Variants in PCDHA1 observed in about 807,000 individuals in gnomAD.
The protein encoded by PCDHA1 is protocadherin alpha 1.
In PCDHA1, 42 loss-of-function variants were observed where a neutral mutation model predicts 61.3. The ratio of observed to expected loss-of-function variants is 0.69; its 90% CI spans 0.54 to 0.89. The LOEUF is 0.89. Ranked by LOEUF, PCDHA1 falls within the 40% of genes least tolerant of loss-of-function variation. PCDHA1 has a pLI of 0.00. For synonymous variants in PCDHA1, 610 were observed against 553.8 expected (o/e 1.10, Z -1.43); for missense variants, 1,256 against 1,235.3 (o/e 1.02, Z -0.25).
Position 140,876,717 on chromosome 5 carries a change from C to T in PCDHA1, c.2394+88033C>T, listed in dbSNP as rs377702421. ...TGGTGCTGGACAGCGCCCTGGACCG[C>T]GAGAGCGTGTCGGCCTATGAGCTGG... On this transcript the variant is annotated intron_variant, in intron 1 of 3. Coordinates refer to ENST00000504120, the MANE Select transcript of PCDHA1 (RefSeq NM_018900.4). The T allele has an allele frequency of 3.7e-6, 6 of 1,614,118 alleles. No homozygotes were observed. The African/African-American group carries it at 5.3e-5, about 14-fold the overall frequency.
intron 1 of PCDHA1, chr5:140,803,575 T>C: frequency 6.2e-7 from 1 of 1,614,252 alleles, no homozygotes; most frequent in South Asian, 1.1e-5. Flanking sequence ...GATGTGGACG[T>C]TGATCTCTCA....
chr5:140,854,841 T>C (rs2043239245), intron 1 of PCDHA1, among the ~76,000 whole-genome samples: 1 of 149,832 alleles, frequency 6.7e-6, no homozygotes, highest in South Asian at 2.1e-4. Context: ...TTCACTGACA[T>C]TGATAAAATT....
At chr5:140,904,560 T>G (rs2071228381) in intron 1 of PCDHA1, among the ~76,000 whole-genome samples, 1 of 152,102 alleles carries the variant, frequency 6.6e-6, no homozygotes, top group African/African-American at 2.4e-5. Flanking sequence ...AATGACTTTT[T>G]TTTCCTCTGG....
At chr5:140,836,032 C>A (rs1554135559) in intron 1 of PCDHA1, 2 of 1,613,416 alleles carry the variant, frequency 1.2e-6, no homozygotes, top group Non-Finnish European at 8.5e-7. Context: ...AGCAACGTGA[C>A]GCTGCAGGTG....
In PCDHA1 at chr5:140,804,882, C is replaced by T. The variant is rs1554123162; in HGVS notation, c.2394+16198C>T. 2.2e-5 allele frequency: 13 copies of T among 589,228 alleles called. No individual in the cohort carries two copies. The Admixed American group carries it at 2.3e-4, about 11-fold the overall frequency. The allele number at this position is 589,228 out of a possible 1,614,324, so 36.5% of individuals were successfully genotyped here. A position where few individuals can be genotyped will look rare whatever the true frequency, so the allele number is the denominator to read the frequency against. On this transcript the variant is annotated intron_variant, in intron 1 of 3. Coordinates refer to ENST00000504120, the MANE Select transcript of PCDHA1 (RefSeq NM_018900.4). ...GTAAAATAGATATTTTTCTTGACTC[C>T]TCTCCTTCCCCTCACTTCCATTTTC... is the stretch of plus-strand genomic sequence containing the variant.
Position 140,807,576 on chromosome 5 carries a change from C to G in PCDHA1, c.2394+18892C>G, listed in dbSNP as rs1763970133. 3 of 1,614,160 alleles carry G rather than the reference C, an allele frequency of 1.9e-6. No individual in the cohort carries two copies. In the East Asian group the frequency reaches 6.7e-5, roughly 36 times the overall value. On this transcript the variant is annotated intron_variant, in intron 1 of 3. Coordinates refer to ENST00000504120, the MANE Select transcript of PCDHA1 (RefSeq NM_018900.4). ...GAGGTGAGGGACATTAACGATAACC[C>G]GCCGGTGTTCCCAGCAACACAAAAG...
At chr5:140,828,535 A>G in intron 1 of PCDHA1, 1 of 1,614,248 alleles carries the variant, frequency 6.2e-7, no homozygotes, top group African/African-American at 1.3e-5. Context: ...CTAGGCTGCC[A>G]GATTCTGTGT....
intron 1 of PCDHA1, among the ~76,000 whole-genome samples, chr5:140,924,695 G>C (rs1190287077): frequency 2.6e-5 from 4 of 152,024 alleles, no homozygotes; most frequent in African/African-American, 9.7e-5. Context: ...AGGAGTTCGA[G>C]ACCAGCTTGT....
At position 140,855,991 on chromosome 5, in the gene PCDHA1, A is replaced by C; in HGVS notation, c.2394+67307A>C. On this transcript the variant is annotated intron_variant, in intron 1 of 3. Coordinates refer to ENST00000504120, the MANE Select transcript of PCDHA1 (RefSeq NM_018900.4). ...TAAGAAATAGGACAGAAAATGTCAG[A>C]TCGTATGTGCGTTCTAGACCGCTGA... 2.0e-6 allele frequency: 3 copies of C among 1,492,426 alleles called. 1 individual carries two copies. In the South Asian group the frequency reaches 3.9e-5, roughly 20 times the overall value. 92.4% of individuals were successfully genotyped at this position (1,492,426 alleles called of 1,614,324 possible). A position where few individuals can be genotyped will look rare whatever the true frequency, so the allele number is the denominator to read the frequency against.
chr5:140,896,687 T>G (rs782089227), intron 1 of PCDHA1, among the ~76,000 whole-genome samples: 2 of 152,170 alleles, frequency 1.3e-5, no homozygotes, highest in Non-Finnish European at 2.9e-5. Context: ...CTTTGCCCAT[T>G]TTTTGATGAG....
intron 1 of PCDHA1, among the ~76,000 whole-genome samples, chr5:140,938,125 A>T (rs1339364898): frequency 6.6e-6 from 1 of 152,120 alleles, no homozygotes; most frequent in Non-Finnish European, 1.5e-5. Context: ...TTTTTTAAAA[A>T]AATAGAGATA....
At chr5:140,998,148 A>G (rs1229553205) in intron 3 of PCDHA1, among the ~76,000 whole-genome samples, 10 of 152,234 alleles carry the variant, frequency 6.6e-5, no homozygotes, top group Admixed American at 6.5e-4. Flanking sequence ...TGTACTGAAC[A>G]GTTAAGCCAT....
At chr5:140,799,796 G>A (rs1554121023) in intron 1 of PCDHA1, among the ~76,000 whole-genome samples, 1 of 151,974 alleles carries the variant, frequency 6.6e-6, no homozygotes. Context: ...TAAATCACAT[G>A]TTTGATTTCA....
At chr5:140,999,947 G>A (rs993598998) in intron 3 of PCDHA1, among the ~76,000 whole-genome samples, 1 of 152,110 alleles carries the variant, frequency 6.6e-6, no homozygotes, top group Non-Finnish European at 1.5e-5. Flanking sequence ...CACCCAAAGA[G>A]GGTGAAATAC....
chr5:140,875,929 C>T (rs1554168093), intron 1 of PCDHA1: 4 of 1,614,154 alleles, frequency 2.5e-6, no homozygotes, highest in East Asian at 2.2e-5. Context: ...CTCTCATTTT[C>T]CTCTAGAGGG....
At chr5:140,796,584 G>A in intron 1 of PCDHA1, 1 of 1,613,364 alleles carries the variant, frequency 6.2e-7, no homozygotes, top group South Asian at 1.1e-5. Flanking sequence ...CGCGGGATGC[G>A]GGCGTGCCGC....
At chr5:140,883,226 G>T (rs572696678) in intron 1 of PCDHA1, 82 of 1,613,938 alleles carry the variant, frequency 5.1e-5, no homozygotes, top group South Asian at 4.2e-4. Flanking sequence ...TGAAATATCC[G>T]TGGAGGCAGT....
rs782750036 is a variant in PCDHA1, at chr5:140,809,552, A to G, written c.2394+20868A>G. The G allele has an allele frequency of 1.4e-5, 22 of 1,611,538 alleles. No homozygotes were observed. In the South Asian group the frequency reaches 2.3e-4, roughly 17 times the overall value. The stretch of plus-strand genomic sequence containing the variant: ...GGACAGAGAAGATCAGCTGCAGACA[A>G]CTGAGGAATCCTTTGCAAAGGTTAG... On this transcript the variant is annotated intron_variant, in intron 1 of 3. Coordinates refer to ENST00000504120, the MANE Select transcript of PCDHA1 (RefSeq NM_018900.4).
chr5:140,849,121 A>G (rs2150430770), intron 1 of PCDHA1: 7 of 1,407,396 alleles, frequency 5.0e-6, no homozygotes, highest in Non-Finnish European at 1.9e-6. Context: ...CCGGAGCTTC[A>G]TTTATTGCTC....
Sources: gnomAD v4.1 joint callset for allele counts (sites outside exome capture counted in the v4.1 genomes callset) on GRCh38, gnomAD v4.1.1 for gene constraint, MANE v1.5 for transcripts, NCBI Gene and HGNC (gene_info 2026-07-23, HGNC 2026-07-21) for gene names.